The following COP1 variants were observed in gnomAD, a reference collection of about 807,000 sequenced individuals.
The protein encoded by COP1 is COP1 E3 ubiquitin ligase, also known as E3 ubiquitin-protein ligase COP1.
Under a neutral mutation model 101.3 loss-of-function variants are expected in COP1, and 24 were observed. The observed-to-expected ratio is 0.24, with a 90% CI of 0.17 to 0.33. The LOEUF (loss-of-function observed/expected upper bound fraction) is 0.33, where lower values mean the gene tolerates loss of function less well. Among genes scored for constraint, COP1 ranks in the 10% least tolerant of loss-of-function variants. COP1 has a pLI of 1.00. For missense variants in COP1, 663 were observed against 906.2 expected (o/e 0.73, Z 3.45); for synonymous variants, 347 against 341.9 (o/e 1.01, Z -0.17).
chr1:175,988,539 C>A lies in COP1; in HGVS notation c.1848-127G>T, dbSNP rs977949042. ...GCTCTGGAGCCAGACTGAGTTAGCA[C>A]GTTCATCTGTCGGCCAGGCGTGGTG... On this transcript the variant is annotated intron_variant, in intron 16 of 19. Coordinates refer to ENST00000367669, the MANE Select transcript of COP1 (RefSeq NM_022457.7). 5 of 889,824 alleles carry A rather than the reference C, an allele frequency of 5.6e-6. No homozygotes were observed. In the African/African-American group the frequency reaches 6.7e-5, roughly 12 times the overall value. The allele number at this position is 889,824 out of a possible 1,614,324, so 55.1% of individuals were successfully genotyped here.
At chr1:176,139,279 C>CAAAAAAACAAAAA (rs1690273788) in intron 6 of COP1, among the ~76,000 whole-genome samples, 19 of 124,884 alleles carry the variant, frequency 1.5e-4, no homozygotes, top group African/African-American at 6.3e-4. Flanking sequence ...AAAACAAAAA[C>CAAAAAAACAAAAA]AAAAAAAACA....
At chr1:176,175,849 G>T in intron 3 of COP1, 61 bp downstream of exon 3, 2 of 916,666 alleles carry the variant, frequency 2.2e-6, no homozygotes, top group East Asian at 2.4e-5. Context: ...ATAAATTAGC[G>T]CTAGCACACA....
At chr1:176,002,538 GA>G (rs1403007097) in intron 15 of COP1, among the ~76,000 whole-genome samples, 1 of 126,466 alleles carries the variant, frequency 7.9e-6, no homozygotes, top group East Asian at 2.4e-4. Flanking sequence ...CCCAGAGCGT[GA>G]TATTCCCCTT....
At chr1:176,001,995 G>C (rs1410070201) in intron 15 of COP1, among the ~76,000 whole-genome samples, 1 of 152,030 alleles carries the variant, frequency 6.6e-6, no homozygotes, top group African/African-American at 2.4e-5. Flanking sequence ...CCTGGTACTT[G>C]CTGAGCAACT....
intron 17 of COP1, 31 bp downstream of exon 17, chr1:175,988,257 A>T: frequency 6.3e-7 from 1 of 1,580,094 alleles, no homozygotes. Context: ...ACACCTGTTA[A>T]AAAGTTCCTG....
intron 2 of COP1, among the ~76,000 whole-genome samples, chr1:176,184,154 T>A (rs1049340638): frequency 6.6e-6 from 1 of 152,084 alleles, no homozygotes; most frequent in Admixed American, 6.5e-5. Flanking sequence ...ATTAAAAAAT[T>A]TTTTTGATGT....
chr1:176,180,718 T>C (rs549192698), intron 2 of COP1, among the ~76,000 whole-genome samples: 23 of 152,282 alleles, frequency 1.5e-4, no homozygotes, highest in African/African-American at 5.1e-4. Context: ...TGAGTAGATA[T>C]AAACAACTGT....
At chr1:176,184,826 A>G (rs772275959) in intron 1 of COP1, 134 bp from the exon 2 acceptor site, 13 of 560,432 alleles carry the variant, frequency 2.3e-5, no homozygotes, top group Non-Finnish European at 4.1e-5. Context: ...CATTCTATCA[A>G]TAAGAGATGA....
intron 18 of COP1, among the ~76,000 whole-genome samples, chr1:175,985,180 A>G (rs1656810304): frequency 6.6e-6 from 1 of 152,194 alleles, no homozygotes; most frequent in East Asian, 1.9e-4. Flanking sequence ...CTTGTCTTTC[A>G]TCTTGTAAGC....
intron 11 of COP1, among the ~76,000 whole-genome samples, chr1:176,073,994 T>G (rs959138328): frequency 2.4e-4 from 37 of 152,208 alleles, no homozygotes; most frequent in African/African-American, 8.7e-4. Context: ...TGCAGTGATC[T>G]CAGCTCACTG....
At chr1:176,201,902 T>C (rs1700299254) in intron 1 of COP1, among the ~76,000 whole-genome samples, 1 of 152,222 alleles carries the variant, frequency 6.6e-6, no homozygotes, top group South Asian at 2.1e-4. Context: ...TTGACAGATA[T>C]TACTATAATA....
At position 176,067,969 on chromosome 1, in the gene COP1, C is replaced by A. The variant is rs531805447; in HGVS notation, c.1277+13183G>T. On this transcript the variant is annotated intron_variant, in intron 11 of 19. Coordinates refer to ENST00000367669, the MANE Select transcript of COP1 (RefSeq NM_022457.7). ...CAGGGCACCAAAGAAACAAGCCACA[C>A]CCCCATCGCACACCCTGCAAGGGGG... Among the ~76,000 whole-genome samples, 6 of 152,312 alleles carry A rather than the reference C, an allele frequency of 3.9e-5. 1 individual carries two copies. Among genetic ancestry groups the A allele is most frequent in the African/African-American group, 1.2e-4 (5 of 41,578 alleles).
intron 9 of COP1, among the ~76,000 whole-genome samples, chr1:176,110,688 C>A (rs1434486211): frequency 6.6e-6 from 1 of 152,102 alleles, no homozygotes; most frequent in Admixed American, 6.6e-5. Flanking sequence ...ATGACAACAA[C>A]CACAAAACCC....
chr1:176,018,147 TA>T (rs1341320060), intron 15 of COP1, among the ~76,000 whole-genome samples: 6 of 152,194 alleles, frequency 3.9e-5, no homozygotes, highest in Admixed American at 2.6e-4. Context: ...TGTTAGCTAT[TA>T]TTATTTACCC....
chr1:176,188,367 A>G (rs958648805), intron 1 of COP1, among the ~76,000 whole-genome samples: 15 of 152,182 alleles, frequency 9.9e-5, no homozygotes, highest in Admixed American at 9.2e-4. Flanking sequence ...AGGAGATCCT[A>G]ATGAAATACC....
At chr1:175,992,561 A>G (rs1261179127) in intron 15 of COP1, among the ~76,000 whole-genome samples, 1 of 152,210 alleles carries the variant, frequency 6.6e-6, no homozygotes, top group Non-Finnish European at 1.5e-5. Flanking sequence ...CGCTTTACCG[A>G]CAGGCTTAAA....
At chr1:176,086,265 G>A (rs575056279) in intron 9 of COP1, among the ~76,000 whole-genome samples, 6 of 134,504 alleles carry the variant, frequency 4.5e-5, no homozygotes, top group African/African-American at 1.7e-4. Context: ...TCACTCTGTC[G>A]CCCAGGCTGG....
At chr1:176,203,481 G>A (rs891741754) in intron 1 of COP1, among the ~76,000 whole-genome samples, 1 of 152,208 alleles carries the variant, frequency 6.6e-6, no homozygotes, top group Admixed American at 6.5e-5. Context: ...AAAGGCAGTA[G>A]TTATAGAATT....
chr1:176,054,078 A>C (rs1673035405), intron 11 of COP1, among the ~76,000 whole-genome samples: 1 of 151,600 alleles, frequency 6.6e-6, no homozygotes, highest in Non-Finnish European at 1.5e-5. Flanking sequence ...ACCCTCATCC[A>C]CTCACTCTTG....
Sources: allele counts gnomAD v4.1 joint callset (sites outside exome capture counted in the v4.1 genomes callset), GRCh38; gene constraint gnomAD v4.1.1; transcripts MANE v1.5; gene names NCBI Gene and HGNC (gene_info 2026-07-23, HGNC 2026-07-21).